The following FGF14 variants were observed in gnomAD, a reference collection of about 807,000 sequenced individuals.
FGF14 encodes the protein fibroblast growth factor homologous factor 4.
A neutral mutation model predicts 25.5 loss-of-function variants in FGF14; 5 were observed. The ratio of observed to expected loss-of-function variants is 0.20; its 90% confidence interval spans 0.10 to 0.41. The LOEUF is 0.41. FGF14 is among the 10% of genes least tolerant of loss of function. FGF14 has a pLI of 1.00. For missense variants in FGF14, 222 were observed against 320.1 expected (o/e 0.69, Z 2.34); for synonymous variants, 138 against 118.3 (o/e 1.17, Z -1.08).
At chr13:102,179,163 G>A (rs1021121179) in intron 1 of FGF14, among the ~76,000 whole-genome samples, 4 of 151,972 alleles carry the variant, frequency 2.6e-5, no homozygotes, top group Admixed American at 6.6e-5. Context: ...CTTTTTCTTG[G>A]GCTTCCTGCA....
intron 1 of FGF14, among the ~76,000 whole-genome samples, chr13:101,908,328 G>A (rs2139048828): frequency 6.6e-6 from 1 of 152,240 alleles, no homozygotes; most frequent in South Asian, 2.1e-4. Context: ...TCAAAGCTAT[G>A]CAAGCTTTTT....
At chr13:102,143,117 C>T (rs992496280) in intron 1 of FGF14, among the ~76,000 whole-genome samples, 5 of 152,202 alleles carry the variant, frequency 3.3e-5, no homozygotes, top group Non-Finnish European at 5.9e-5. Flanking sequence ...CAGATACCCA[C>T]TTATCCTCCC....
At chr13:101,902,114 A>C (rs927381172) in intron 1 of FGF14, among the ~76,000 whole-genome samples, 5 of 152,194 alleles carry the variant, frequency 3.3e-5, no homozygotes, top group African/African-American at 1.2e-4. Flanking sequence ...CAACATTCTT[A>C]GATTATTCAA....
chr13:101,783,531 T>C (rs1335031322), intron 3 of FGF14, among the ~76,000 whole-genome samples: 4 of 152,154 alleles, frequency 2.6e-5, no homozygotes, highest in African/African-American at 9.7e-5. Flanking sequence ...TGAGGTTTTT[T>C]TTTGGTAAAT....
chr13:102,079,075 C>G (rs1439372470), intron 1 of FGF14, among the ~76,000 whole-genome samples: 1 of 152,116 alleles, frequency 6.6e-6, no homozygotes, highest in Non-Finnish European at 1.5e-5. Context: ...TCCTCCTGTT[C>G]CTCAGAGCTG....
intron 3 of FGF14, among the ~76,000 whole-genome samples, chr13:101,730,850 C>G (rs182506249): frequency 6.6e-6 from 1 of 152,094 alleles, no homozygotes; most frequent in Non-Finnish European, 1.5e-5. Context: ...GACTCAGGCT[C>G]TGTGGTGAGG....
At chr13:102,263,695 T>G (rs1440188890) in intron 1 of FGF14, among the ~76,000 whole-genome samples, 1 of 152,226 alleles carries the variant, frequency 6.6e-6, no homozygotes, top group Non-Finnish European at 1.5e-5. Context: ...ACAGTATTTC[T>G]GGACATAATT....
chr13:101,868,474 G>T (rs1054899991), intron 3 of FGF14: 57 of 418,492 alleles, frequency 1.4e-4, no homozygotes, highest in African/African-American at 1.1e-3. Flanking sequence ...TTAGATTCAC[G>T]TGTATACTAG....
intron 1 of FGF14, among the ~76,000 whole-genome samples, chr13:102,344,841 C>A (rs2057056362): frequency 6.6e-6 from 1 of 152,134 alleles, no homozygotes; most frequent in African/African-American, 2.4e-5. Flanking sequence ...ATCTACGTGG[C>A]CTAAAATATC....
At chr13:101,995,879 G>C (rs1450291520) in intron 1 of FGF14, among the ~76,000 whole-genome samples, 1 of 152,094 alleles carries the variant, frequency 6.6e-6, no homozygotes, top group African/African-American at 2.4e-5. Flanking sequence ...GGGGGGCTGG[G>C]AGTTAGGAAT....
chr13:102,114,353 C>T (rs2045366776), intron 1 of FGF14, among the ~76,000 whole-genome samples: 3 of 152,212 alleles, frequency 2.0e-5, no homozygotes, highest in African/African-American at 4.8e-5. Flanking sequence ...TCTCCCATAC[C>T]GTATGATGCC....
chr13:102,143,919 C>T (rs776884301), intron 1 of FGF14, among the ~76,000 whole-genome samples: 2 of 152,066 alleles, frequency 1.3e-5, no homozygotes, highest in Admixed American at 6.6e-5. Context: ...TCTAAGTTAC[C>T]AATATTATTA....
intron 1 of FGF14, among the ~76,000 whole-genome samples, chr13:102,088,669 T>G (rs2044033895): frequency 6.6e-6 from 1 of 152,124 alleles, no homozygotes. Flanking sequence ...TGGAAAAATA[T>G]ATAGATTTAA....
chr13:102,272,393 A>G (rs560191554), intron 1 of FGF14, among the ~76,000 whole-genome samples: 1 of 152,232 alleles, frequency 6.6e-6, no homozygotes, highest in South Asian at 2.1e-4. Flanking sequence ...AATTATGATT[A>G]CTTGTATCTC....
intron 1 of FGF14, among the ~76,000 whole-genome samples, chr13:102,183,962 G>C (rs2048778430): frequency 6.6e-6 from 1 of 152,048 alleles, no homozygotes. Flanking sequence ...CAGGGTGCTG[G>C]GTACATTTTA....
At chr13:101,966,956 T>C (rs954411506) in intron 1 of FGF14, among the ~76,000 whole-genome samples, 9 of 152,008 alleles carry the variant, frequency 5.9e-5, no homozygotes, top group Non-Finnish European at 1.3e-4. Flanking sequence ...TCTACGAGTG[T>C]AAGAATTTGG....
At chr13:102,173,811 A>G (rs1163540470) in intron 1 of FGF14, among the ~76,000 whole-genome samples, 1 of 152,064 alleles carries the variant, frequency 6.6e-6, no homozygotes, top group Admixed American at 6.6e-5. Flanking sequence ...GATTATCAAA[A>G]GCTGAGGGTA....
intron 1 of FGF14, among the ~76,000 whole-genome samples, chr13:101,983,044 A>G (rs924649694): frequency 4.6e-5 from 7 of 151,178 alleles, no homozygotes; most frequent in Non-Finnish European, 1.5e-5. Flanking sequence ...AAGCATATCA[A>G]TTGAGTACTG....
At chr13:102,321,362 T>C (rs939863790) in intron 1 of FGF14, among the ~76,000 whole-genome samples, 6 of 152,230 alleles carry the variant, frequency 3.9e-5, no homozygotes, top group Non-Finnish European at 8.8e-5. Flanking sequence ...GGAGTTACTA[T>C]ATAATTTGCA....
Sources: allele counts gnomAD v4.1 joint callset (sites outside exome capture counted in the v4.1 genomes callset), GRCh38; gene constraint gnomAD v4.1.1; transcripts MANE v1.5; gene names NCBI Gene and HGNC (gene_info 2026-07-23, HGNC 2026-07-21).